The following DAW1 variants were observed in gnomAD, a reference collection of about 807,000 sequenced individuals.
The protein encoded by DAW1 is dynein assembly factor with WD repeats 1, also known as dynein assembly factor with WD repeat domains 1.
A neutral mutation model predicts 56.5 loss-of-function variants in DAW1; 47 were observed. The observed-to-expected ratio is 0.83, with a 90% CI of 0.66 to 1.06. The LOEUF is 1.06. Among genes scored for constraint, DAW1 ranks in the 50% least tolerant of loss-of-function variants. The pLI is 0.00. For missense variants in DAW1, 505 were observed against 499.3 expected, an observed-to-expected ratio of 1.01 and a Z score of -0.11; for synonymous variants, 190 against 179.0, an observed-to-expected ratio of 1.06 and a Z score of -0.49.
chr2:227,907,313 G>A (rs1435737040), intron 10 of DAW1, 61 bp downstream of exon 10: 35 of 1,379,912 alleles, frequency 2.5e-5, no homozygotes, highest in Non-Finnish European at 3.4e-5. Context: ...TGATAACCAT[G>A]CATAATTCTA....
intron 4 of DAW1, among the ~76,000 whole-genome samples, 166 bp from the exon 5 acceptor site, chr2:227,893,629 G>A (rs1347539057): frequency 2.7e-5 from 4 of 150,308 alleles, no homozygotes; most frequent in Non-Finnish European, 5.9e-5. Flanking sequence ...CCGAGATCAC[G>A]CCATTGCACT....
At chr2:227,917,134 ATCTATCTATCTGTCTGTCTGTCTGTCTG>A (rs1332607269) in intron 10 of DAW1, among the ~76,000 whole-genome samples, 1 of 137,092 alleles carries the variant, frequency 7.3e-6, no homozygotes, top group African/African-American at 2.9e-5. Flanking sequence ...CTATCTATCT[ATCTATCTATCTGTCTGTCTGTCTGTCTG>A]TCTGTCTGTC....
rs143984541 is a variant in DAW1 at position 227,921,775 on chromosome 2, A to C, written c.1213+214A>C. Among the ~76,000 whole-genome samples the C allele has an allele frequency of 2.7e-3, 405 of 152,228 alleles. 2 individuals carry two copies. The highest frequency in any genetic ancestry group is 4.7e-3 in the Admixed American group (72 of 15,278). On this transcript the variant is annotated intron_variant, in intron 12 of 12. Transcript: ENST00000309931. ...CCATTGACTGTAGTAAGCCTTTGTG[A>C]ACTTTGAATTTTATTTGCTCTAGAT... is the stretch of plus-strand genomic sequence containing the variant.
intron 6 of DAW1, among the ~76,000 whole-genome samples, chr2:227,902,202 C>G (rs923908937): frequency 1.4e-4 from 22 of 152,130 alleles, no homozygotes; most frequent in Non-Finnish European, 2.2e-4. Flanking sequence ...GTGCTGTTCT[C>G]TTAAGCTACC....
chr2:227,920,428 T>TAGAGGGGGATGTAAGTG (rs1251631084), intron 11 of DAW1, among the ~76,000 whole-genome samples: 1 of 152,048 alleles, frequency 6.6e-6, no homozygotes, highest in Non-Finnish European at 1.5e-5. Flanking sequence ...TTCTGGTGAT[T>TAGAGGGGGATGTAAGTG]AGAGGGGGAT....
At chr2:227,916,664 GGTATCATCTTCT>G (rs1424327453) in intron 10 of DAW1, among the ~76,000 whole-genome samples, 1 of 151,870 alleles carries the variant, frequency 6.6e-6, no homozygotes, top group Admixed American at 6.6e-5. Flanking sequence ...ATATTATTTG[GGTATCATCTTCT>G]GTAGTCCACA....
intron 4 of DAW1, 114 bp downstream of exon 4, chr2:227,891,427 C>T: frequency 1.1e-6 from 1 of 877,290 alleles, no homozygotes; most frequent in South Asian, 1.6e-5. Context: ...GATTTCAGTA[C>T]TCCCTTGGAT....
intron 1 of DAW1, among the ~76,000 whole-genome samples, chr2:227,880,269 T>A (rs1399180761): frequency 6.6e-6 from 1 of 152,190 alleles, no homozygotes; most frequent in Non-Finnish European, 1.5e-5. Context: ...TTATCTTTTG[T>A]AAGCACCTTA....
intron 2 of DAW1, among the ~76,000 whole-genome samples, chr2:227,889,057 A>G (rs976942339): frequency 7.2e-5 from 11 of 152,226 alleles, no homozygotes; most frequent in South Asian, 2.1e-4. Context: ...TAAAAGCATT[A>G]CATTAGCAGA....
chr2:227,921,305 C>CTTTTTTTTTTTTTTTTTTT (rs556409280), intron 11 of DAW1, 94 bp from the exon 12 acceptor site: 3 of 433,768 alleles, frequency 6.9e-6, no homozygotes, highest in African/African-American at 8.6e-5. Context: ...CTGTAATGTC[C>CTTTTTTTTTTTTTTTTTTT]TTTTTTTTTT....
chr2:227,921,554 C>T lies in DAW1; in HGVS notation c.1206C>T (p.Val402=), dbSNP rs749679728. The change falls in exon 12 of 13, where the codon GTC becomes GTT. Residue 402 remains valine, a synonymous_variant. Coordinates refer to ENST00000309931, the MANE Select transcript of DAW1 (RefSeq NM_178821.3). ...CTTTCAACTATAAAGGCAACATAGTCATTACAGGTATGGAAGACATCAACA... is the reference window on the plus strand; with the variant it reads ...CTTTCAACTATAAAGGCAACATAGTTATTACAGGTATGGAAGACATCAACA... ...SCAFNYKGNI[V]ITGSKDNTCR... is the part of the protein sequence containing the mutation. The T allele has an allele frequency of 2.5e-6, 4 of 1,613,174 alleles. No homozygotes were observed. In the African/African-American group the frequency reaches 4.0e-5, roughly 16 times the overall value.
intron 4 of DAW1, among the ~76,000 whole-genome samples, chr2:227,891,746 GAA>G (rs1691271856): frequency 1.3e-5 from 2 of 152,206 alleles, no homozygotes; most frequent in African/African-American, 2.4e-5. Flanking sequence ...AGATGAGGGA[GAA>G]GTCTCGTCTT....
chr2:227,924,314 A>C lies in DAW1; in HGVS notation c.*346A>C. On this transcript the variant is annotated 3_prime_UTR_variant, in exon 13 of 13. Coordinates refer to ENST00000309931, the MANE Select transcript of DAW1 (RefSeq NM_178821.3). ...ATTTTACTTTGAAGCCTATTGTTAT[A>C]ATTTCTGTTGAATAAAGTGTTTGGA... The C allele has an allele frequency of 1.1e-5, 3 of 273,972 alleles. No homozygotes were observed. Among genetic ancestry groups the C allele is most frequent in the Non-Finnish European group, 2.1e-5 (3 of 144,160 alleles). 17.0% of individuals were successfully genotyped at this position (273,972 alleles called of 1,614,324 possible). A position where few individuals can be genotyped will look rare whatever the true frequency, so the allele number is the denominator to read the frequency against.
At chr2:227,883,539 A>G (rs1017606892) in intron 1 of DAW1, among the ~76,000 whole-genome samples, 2 of 152,246 alleles carry the variant, frequency 1.3e-5, no homozygotes, top group Non-Finnish European at 2.9e-5. Context: ...ATTGCAACTA[A>G]TTTTAAGAAG....
At chr2:227,875,817 A>G (rs981336879) in intron 1 of DAW1, among the ~76,000 whole-genome samples, 2 of 152,130 alleles carry the variant, frequency 1.3e-5, no homozygotes, top group Non-Finnish European at 2.9e-5. Flanking sequence ...CGAAGGCAGG[A>G]ACTTTGTCTA....
intron 4 of DAW1, among the ~76,000 whole-genome samples, chr2:227,892,981 G>A (rs578257369): frequency 1.1e-4 from 16 of 152,182 alleles, no homozygotes; most frequent in African/African-American, 3.4e-4. Flanking sequence ...TTATTAAACA[G>A]AATATAGGCC....
At chr2:227,880,074 C>T (rs939133130) in intron 1 of DAW1, among the ~76,000 whole-genome samples, 1 of 152,108 alleles carries the variant, frequency 6.6e-6, no homozygotes, top group Admixed American at 6.5e-5. Context: ...TGTGTCTCCT[C>T]GTTTATCACA....
At chr2:227,878,844 A>G (rs1690946280) in intron 1 of DAW1, among the ~76,000 whole-genome samples, 1 of 149,600 alleles carries the variant, frequency 6.7e-6, no homozygotes, top group Non-Finnish European at 1.5e-5. Context: ...GTGGAGTGCA[A>G]TGGCACAATC....
chr2:227,923,982 G>A lies in DAW1; in HGVS notation c.*14G>A, dbSNP rs1271830776. On this transcript the variant is annotated 3_prime_UTR_variant, in exon 13 of 13. Coordinates refer to ENST00000309931, the MANE Select transcript of DAW1 (RefSeq NM_178821.3). ...ATATGGCGTTGACTGAAGGAAGCTG[G>A]TCAGTGAGCAACCTTGCTAGCAATG... 1 of 1,613,980 alleles carries A rather than the reference G, an allele frequency of 6.2e-7. No homozygotes were observed. The highest frequency in any genetic ancestry group is 1.3e-5 in the African/African-American group (1 of 75,022).
Sources: gnomAD v4.1 joint callset for allele counts (sites outside exome capture counted in the v4.1 genomes callset) on GRCh38, gnomAD v4.1.1 for gene constraint, MANE v1.5 for transcripts, NCBI Gene and HGNC (gene_info 2026-07-23, HGNC 2026-07-21) for gene names.